CTPS1: variants seen among roughly 807,000 people sequenced by gnomAD.
CTPS1 encodes the protein CTP synthase 1.
In CTPS1, 25 loss-of-function variants were observed where a neutral mutation model predicts 80.5. That is an observed-to-expected ratio of 0.31 (90% confidence interval 0.23 to 0.43). CTPS1 has a LOEUF of 0.43. CTPS1 is among the 20% of genes least tolerant of loss of function. The pLI is 1.00. For missense variants in CTPS1, 442 were observed against 725.7 expected (o/e 0.61, Z 4.49); for synonymous variants, 267 against 252.5 (o/e 1.06, Z -0.54).
At position 40,985,101 on chromosome 1, in the gene CTPS1, T is replaced by C. The variant is rs138157557; in HGVS notation, c.337+110T>C. The stretch of plus-strand genomic sequence containing the variant: ...CCCTTTTGAGTACAGAAGTTTACAT[T>C]GTATGTGATTTCAGCATGAAACTCT... On this transcript the variant is annotated intron_variant, in intron 3 of 18. Coordinates refer to ENST00000650070, the MANE Select transcript of CTPS1 (RefSeq NM_001905.4). 123 of 676,072 alleles carry C rather than the reference T, an allele frequency of 1.8e-4. 1 individual carries two copies. Among genetic ancestry groups the C allele is most frequent in the African/African-American group, 1.6e-3 (88 of 53,654 alleles). 41.9% of individuals were successfully genotyped at this position (676,072 alleles called of 1,614,324 possible). A position where few individuals can be genotyped will look rare whatever the true frequency, so the allele number is the denominator to read the frequency against.
At position 41,010,302 on chromosome 1, in the gene CTPS1, C is replaced by T; in HGVS notation, c.*9+48C>T. On this transcript the variant is annotated intron_variant, in intron 18 of 18. Coordinates refer to ENST00000650070, the MANE Select transcript of CTPS1 (RefSeq NM_001905.4). Reference sequence around the variant, plus strand: ...AGTTTTTAAAAACATGGTGATAACACACTGCGATTGCAAGAATATCATGGA... The same window carrying T: ...AGTTTTTAAAAACATGGTGATAACATACTGCGATTGCAAGAATATCATGGA... 4 of 1,298,290 alleles carry T rather than the reference C, an allele frequency of 3.1e-6. No homozygotes were observed. In the South Asian group the frequency reaches 3.6e-5, roughly 12 times the overall value. The allele number at this position is 1,298,290 out of a possible 1,614,324, so 80.4% of individuals were successfully genotyped here.
At chr1:41,002,070 C>T in intron 10 of CTPS1, 90 bp from the exon 11 acceptor site, 1 of 1,097,546 alleles carries the variant, frequency 9.1e-7, no homozygotes, top group Non-Finnish European at 1.4e-6. Flanking sequence ...TTCATGGCTT[C>T]AGTGTCTTGG....
At position 41,003,213 on chromosome 1, in the gene CTPS1, T is replaced by C. The variant is rs372223223; in HGVS notation, c.1252+37T>C. ...TTAAGACACTCATTCAATTCCCGCT[T>C]GTGTATTTCTGGAGGATATGAGGCC... On this transcript the variant is annotated intron_variant, in intron 12 of 18. Coordinates refer to ENST00000650070, the MANE Select transcript of CTPS1 (RefSeq NM_001905.4). 24 of 1,610,826 alleles carry C rather than the reference T, an allele frequency of 1.5e-5. No homozygotes were observed. In the African/African-American group the frequency reaches 2.9e-4, roughly 20 times the overall value.
chr1:40,993,659 G>A (rs866581414), intron 7 of CTPS1, among the ~76,000 whole-genome samples: 1 of 152,018 alleles, frequency 6.6e-6, no homozygotes, highest in Non-Finnish European at 1.5e-5. Context: ...CTTTTAATTG[G>A]AATGTTTATC....
chr1:41,003,564 C>T (rs765115919), intron 12 of CTPS1, among the ~76,000 whole-genome samples: 1 of 152,140 alleles, frequency 6.6e-6, no homozygotes, highest in Non-Finnish European at 1.5e-5. Flanking sequence ...AACCTTACCG[C>T]TTATGGGTGA....
In CTPS1 at chr1:41,007,378, T is replaced by C. The variant is rs1435999454; in HGVS notation, c.1297-71T>C. On this transcript the variant is annotated intron_variant, in intron 13 of 18. Transcript: ENST00000650070. This position sits in a 1 kb window ranked among gnomAD's most constrained non-coding sequence, Gnocchi z 4.4. ...TTACTTACAAGCCTTTGCCACCCAC[T>C]CAGCGAGGGAGGTTTCTCTCTAGCG... is the stretch of plus-strand genomic sequence containing the variant. 3.0e-6 allele frequency: 4 copies of C among 1,317,704 alleles called. No individual in the cohort carries two copies. Among genetic ancestry groups the C allele is most frequent in the Non-Finnish European group, 4.4e-6 (4 of 917,428 alleles). The allele number at this position is 1,317,704 out of a possible 1,614,324, so 81.6% of individuals were successfully genotyped here.
rs987971083 is a variant in CTPS1 at position 41,001,127 on chromosome 1, G to A, written c.1094+10G>A. ...AGCTCTGTAGTGCTCAGTGAGTAGA[G>A]TTCGCTGCCTTGGGTTTCCAGAGTT... On this transcript the variant is annotated intron_variant, in intron 10 of 18. Transcript: ENST00000650070. 3.8e-6 allele frequency: 6 copies of A among 1,594,918 alleles called. No individual in the cohort carries two copies. Among genetic ancestry groups the A allele is most frequent in the Non-Finnish European group, 5.1e-6 (6 of 1,172,624 alleles).
rs770443898 is a variant in CTPS1, at chr1:40,984,915, T to C, written c.261T>C (p.Asn87=). The change falls in exon 3 of 19, where the codon AAT becomes AAC. Residue 87 remains asparagine (N), a synonymous_variant. Coordinates refer to ENST00000650070, the MANE Select transcript of CTPS1 (RefSeq NM_001905.4). The part of the protein sequence containing the change: ...FLDIRLTKDN[N]LTTGKIYQYV... ...ACATCCGCCTCACCAAGGACAATAA[T>C]CTGACCACTGGAAAGATATACCAGT... 5.0e-6 allele frequency: 8 copies of C among 1,607,972 alleles called. No individual in the cohort carries two copies. In the Middle Eastern group the frequency reaches 1.3e-3, roughly 266 times the overall value.
chr1:41,002,218 A>G lies in CTPS1; in HGVS notation c.1153A>G (p.Ile385Val), dbSNP rs1570972393. The change falls in exon 11 of 19, where the codon ATT (isoleucine) becomes GTT (valine). Residue 385 changes from isoleucine to valine, a missense_variant. Ile to Val is a conservative substitution (Grantham distance 29). Transcript: ENST00000650070. ...AGGAACAGAAGGAAAAATCCAAGCA[A>G]TTGCCTGGGCTCGGAATCAGAAAAA... ...VRGTEGKIQA[I>V]AWARNQKKPF... is the part of the protein sequence containing the mutation. 2 of 1,614,036 alleles carry G rather than the reference A, an allele frequency of 1.2e-6. No individual in the cohort carries two copies. The highest frequency in any genetic ancestry group is 2.2e-5 in the South Asian group (2 of 91,084).
chr1:41,003,003 C>T (rs2148413646), intron 11 of CTPS1, 111 bp from the exon 12 acceptor site: 1 of 1,019,090 alleles, frequency 9.8e-7, no homozygotes, highest in Non-Finnish European at 1.5e-6. Flanking sequence ...TATGAGTTTG[C>T]AATTATAATT....
chr1:40,989,738 C>T (rs1314951399), intron 5 of CTPS1, among the ~76,000 whole-genome samples: 2 of 152,040 alleles, frequency 1.3e-5, no homozygotes, highest in African/African-American at 4.8e-5. Flanking sequence ...CATTACTATT[C>T]TTAGAAAATT....
chr1:40,981,553 GT>G (rs1642292232), intron 1 of CTPS1, among the ~76,000 whole-genome samples: 1 of 152,134 alleles, frequency 6.6e-6, no homozygotes, highest in African/African-American at 2.4e-5. Flanking sequence ...ATTTTCATGT[GT>G]CAATAAGGAA....
At chr1:41,011,138 T>G (rs1369144682) in intron 18 of CTPS1, among the ~76,000 whole-genome samples, 1 of 152,228 alleles carries the variant, frequency 6.6e-6, no homozygotes, top group African/African-American at 2.4e-5. Flanking sequence ...TTTCCCCTCC[T>G]GCCTTGGTTG....
At chr1:40,992,492 G>T (rs1043178406) in intron 7 of CTPS1, among the ~76,000 whole-genome samples, 3 of 152,054 alleles carry the variant, frequency 2.0e-5, no homozygotes, top group Non-Finnish European at 4.4e-5. Flanking sequence ...TAGTGTTTTT[G>T]TTACTGTACC....
intron 5 of CTPS1, among the ~76,000 whole-genome samples, chr1:40,990,523 AC>A (rs1365017359): frequency 9.9e-5 from 15 of 152,076 alleles, no homozygotes; most frequent in Non-Finnish European, 4.4e-5. Context: ...GGTGGCTCAC[AC>A]CTGTTATCTC....
At chr1:41,003,599 A>G (rs1642960920) in intron 12 of CTPS1, among the ~76,000 whole-genome samples, 1 of 152,156 alleles carries the variant, frequency 6.6e-6, no homozygotes, top group Non-Finnish European at 1.5e-5. Flanking sequence ...CTTAGCCTTT[A>G]TGGGCCTCCG....
At chr1:40,983,781 C>A (rs959107000) in intron 2 of CTPS1, among the ~76,000 whole-genome samples, 1 of 152,118 alleles carries the variant, frequency 6.6e-6, no homozygotes. Context: ...AATCACCATG[C>A]CTGGCTAATT....
At position 40,995,899 on chromosome 1, in the gene CTPS1, T is replaced by C; in HGVS notation, c.721-18T>C. 6.2e-7 allele frequency: 1 copy of C among 1,604,428 alleles called. No individual in the cohort carries two copies. The highest frequency in any genetic ancestry group is 8.5e-7 in the Non-Finnish European group (1 of 1,173,680). On this transcript the variant is annotated intron_variant, in intron 7 of 18. Coordinates refer to ENST00000650070, the MANE Select transcript of CTPS1 (RefSeq NM_001905.4). ...TGAGTTTTTGCTTTTATTTAATAAC[T>C]TGCTTTTTTCTAAACAGGTGATCTG...
At chr1:41,010,290 A>G (rs1307001361) in intron 18 of CTPS1, 36 bp downstream of exon 18, 2 of 1,446,640 alleles carry the variant, frequency 1.4e-6, no homozygotes, top group Non-Finnish European at 1.9e-6. Flanking sequence ...TTTTAAAAAC[A>G]TGGTGATAAC....
Sources: allele counts gnomAD v4.1 joint callset (sites outside exome capture counted in the v4.1 genomes callset), GRCh38; gene constraint gnomAD v4.1.1; non-coding constraint Gnocchi (gnomAD v3.1); transcripts MANE v1.5; gene names NCBI Gene and HGNC (gene_info 2026-07-23, HGNC 2026-07-21).